UNC119: variants seen among roughly 807,000 people sequenced by gnomAD.
The protein encoded by UNC119 is protein unc-119 homolog A.
Under a neutral mutation model 22.6 loss-of-function variants are expected in UNC119, and 15 were observed. That is an observed-to-expected ratio of 0.66 (90% CI 0.44 to 1.02). The LOEUF is 1.02. Ranked by LOEUF, UNC119 falls within the 50% of genes least tolerant of loss-of-function variation. The probability of loss-of-function intolerance (pLI) is 0.00; values close to 1 mark genes in which losing one functional copy is unlikely to be tolerated. For missense variants in UNC119, 322 were observed against 336.0 expected (o/e 0.96, Z 0.33); for synonymous variants, 138 against 139.4 (o/e 0.99, Z 0.07).
chr17:28,547,006 C>T lies in UNC119; in HGVS notation c.*291G>A, dbSNP rs1309082776. 1 of 410,188 alleles carries T rather than the reference C, an allele frequency of 2.4e-6. No individual in the cohort carries two copies. Among genetic ancestry groups the T allele is most frequent in the Non-Finnish European group, 4.6e-6 (1 of 216,028 alleles). 25.4% of individuals were successfully genotyped at this position (410,188 alleles called of 1,614,324 possible). A position where few individuals can be genotyped will look rare whatever the true frequency, so the allele number is the denominator to read the frequency against. ...GGGGAACACTATTCTGAAACTTGGG[C>T]CCAAGTAGGGCCCAGCTAAGTTGTC... On this transcript the variant is annotated 3_prime_UTR_variant, in exon 5 of 5. Transcript: ENST00000335765.
intron 1 of UNC119, chr17:28,551,288 G>C (rs1024369670): frequency 6.6e-6 from 1 of 152,150 alleles, no homozygotes; most frequent in African/African-American, 2.4e-5. Flanking sequence ...GGCCAAGGTG[G>C]AGAGCCACTG....
Position 28,548,579 on chromosome 17 carries a change from C to A in UNC119, c.334+13G>T. ...ATCTGCCTCCCCATCAATGGCCCAC[C>A]CAGCCCACTCACCTGAGACTGGGGG... On this transcript the variant is annotated intron_variant, in intron 2 of 4. Coordinates refer to ENST00000335765, the MANE Select transcript of UNC119 (RefSeq NM_005148.4). 6.2e-7 allele frequency: 1 copy of A among 1,610,946 alleles called. No individual in the cohort carries two copies. Among genetic ancestry groups the A allele is most frequent in the African/African-American group, 1.3e-5 (1 of 74,982 alleles).
intron 1 of UNC119, 98 bp from the exon 2 acceptor site, chr17:28,548,803 C>G: frequency 1.1e-6 from 1 of 917,836 alleles, no homozygotes; most frequent in Admixed American, 2.0e-5. Flanking sequence ...TCTTCTCATC[C>G]CTGGGATCAC....
intron 4 of UNC119, 38 bp downstream of exon 4, chr17:28,547,639 C>T: frequency 6.2e-7 from 1 of 1,614,146 alleles, no homozygotes; most frequent in Non-Finnish European, 8.5e-7. Context: ...CTCTAGACGC[C>T]CCCACTTCCC....
Position 28,547,747 on chromosome 17 carries a change from G to A in UNC119, c.540C>T (p.Gly180=). The A allele has an allele frequency of 6.2e-7, 1 of 1,614,236 alleles. No individual in the cohort carries two copies. The highest frequency in any genetic ancestry group is 8.5e-7 in the Non-Finnish European group (1 of 1,180,046). ...TGTTCTTGCTGCTGGGGATGCAGAA[G>A]CCAAAGTGGAAGTCGAAGCTTTTGA... ...QLLKSFDFHF[G]FCIPSSKNTC... is the part of the protein sequence containing the mutation. Residue 180 remains glycine (G), a synonymous_variant, in exon 4 of 5, where the codon GGC becomes GGT. Coordinates refer to ENST00000335765, the MANE Select transcript of UNC119 (RefSeq NM_005148.4).
At chr17:28,549,534 G>A (rs1445902940) in intron 1 of UNC119, 1 of 152,326 alleles carries the variant, frequency 6.6e-6, no homozygotes, top group African/African-American at 2.4e-5. Flanking sequence ...TCTCCAAATG[G>A]GAGGAAGTCT....
rs199723120 is a variant in UNC119 at position 28,547,766 on chromosome 17, C to A, written c.521G>T (p.Ser174Ile). Residue 174 changes from serine to isoleucine, a missense_variant, in exon 4 of 5, where the codon AGC becomes ATC. Coordinates refer to ENST00000335765, the MANE Select transcript of UNC119 (RefSeq NM_005148.4). ...RHYFRNQLLK[S>I]FDFHFGFCIP... is the part of the protein sequence containing the mutation. ...GCAGAAGCCAAAGTGGAAGTCGAAG[C>A]TTTTGAGTAGCTGGTTGCGGAAGTA... The A allele has an allele frequency of 1.9e-6, 3 of 1,614,210 alleles. No homozygotes were observed. Among genetic ancestry groups the A allele is most frequent in the Admixed American group, 1.7e-5 (1 of 60,030 alleles).
chr17:28,550,315 A>C (rs1289837565), intron 1 of UNC119: 2 of 152,260 alleles, frequency 1.3e-5, no homozygotes, highest in Non-Finnish European at 2.9e-5. Flanking sequence ...AGATCCCTGT[A>C]AGGCCTTCTC....
At chr17:28,551,358 T>TA (rs2070267512) in intron 1 of UNC119, 1 of 152,274 alleles carries the variant, frequency 6.6e-6, no homozygotes, top group South Asian at 2.1e-4. Flanking sequence ...TGAGGTTTCC[T>TA]AGCCCTCGTT....
At chr17:28,548,157 C>CA in intron 2 of UNC119, 56 bp from the exon 3 acceptor site, 2 of 1,535,290 alleles carry the variant, frequency 1.3e-6, no homozygotes, top group Non-Finnish European at 1.8e-6. Context: ...CTTGTCCACC[C>CA]AGGGTTCTAC....
At chr17:28,548,454 C>A (rs1252518667) in intron 2 of UNC119, 138 bp downstream of exon 2, 4 of 715,592 alleles carry the variant, frequency 5.6e-6, no homozygotes, top group African/African-American at 1.8e-5. Flanking sequence ...GAAAGGGCCC[C>A]CCTGCCTGCA....
Position 28,547,145 on chromosome 17 carries a change from C to T in UNC119, c.*152G>A. On this transcript the variant is annotated 3_prime_UTR_variant, in exon 5 of 5. Coordinates refer to ENST00000335765, the MANE Select transcript of UNC119 (RefSeq NM_005148.4). The stretch of plus-strand genomic sequence containing the variant: ...TGGGCTTCATGGGCTTGACTGGGGA[C>T]ACCAGGTACCCTTCCTCCCAACATT... The T allele has an allele frequency of 1.1e-6, 1 of 940,152 alleles. No individual in the cohort carries two copies. The highest frequency in any genetic ancestry group is 1.6e-6 in the Non-Finnish European group (1 of 609,716). The allele number at this position is 940,152 out of a possible 1,614,324, so 58.2% of individuals were successfully genotyped here. A position where few individuals can be genotyped will look rare whatever the true frequency, so the allele number is the denominator to read the frequency against.
chr17:28,551,826 TC>T, intron 1 of UNC119: 1 of 233,618 alleles, frequency 4.3e-6, no homozygotes, highest in Non-Finnish European at 8.9e-6. Flanking sequence ...TCAGTTTCTT[TC>T]CCGGGGAAGA....
intron 2 of UNC119, 147 bp downstream of exon 2, chr17:28,548,445 A>C: frequency 1.5e-6 from 1 of 686,556 alleles, no homozygotes; most frequent in Non-Finnish European, 2.5e-6. Flanking sequence ...GAAGGAAAAG[A>C]AAGGGCCCCC....
intron 3 of UNC119, 71 bp downstream of exon 3, chr17:28,547,928 C>T (rs905472030): frequency 8.2e-5 from 132 of 1,612,514 alleles, no homozygotes; most frequent in East Asian, 5.6e-4. Context: ...GCCACCCCTA[C>T]GAGAGGCTGA....
rs531568888 is a variant in UNC119, at chr17:28,547,117, G to A, written c.*180C>T. 59 of 729,552 alleles carry A rather than the reference G, an allele frequency of 8.1e-5. No individual in the cohort carries two copies. In the East Asian group the frequency reaches 9.3e-4, roughly 11 times the overall value. The allele number at this position is 729,552 out of a possible 1,614,324, so 45.2% of individuals were successfully genotyped here. A position where few individuals can be genotyped will look rare whatever the true frequency, so the allele number is the denominator to read the frequency against. ...ACGACCCCACCCCATGTAGCAGGCCGCATGGGCTTCATGGGCTTGACTGGG... is the reference window on the plus strand; with the variant it reads ...ACGACCCCACCCCATGTAGCAGGCCACATGGGCTTCATGGGCTTGACTGGG... On this transcript the variant is annotated 3_prime_UTR_variant, in exon 5 of 5. Coordinates refer to ENST00000335765, the MANE Select transcript of UNC119 (RefSeq NM_005148.4).
In UNC119 at chr17:28,552,510, G is replaced by A. The variant is rs750185398; in HGVS notation, c.48C>T (p.Ser16=). The A allele has an allele frequency of 5.8e-6, 9 of 1,560,114 alleles. No homozygotes were observed. The highest frequency in any genetic ancestry group is 4.6e-5 in the South Asian group (4 of 86,286). Residue 16 remains serine, a synonymous_variant, in exon 1 of 5, where the codon TCC becomes TCT. Coordinates refer to ENST00000335765, the MANE Select transcript of UNC119 (RefSeq NM_005148.4). ...GGGGAGTATE[S]APGPSGQSVA... Reference sequence around the variant, plus strand: ...CGCTCTGGCCCGAGGGCCCCGGAGCGGACTCCGTCGCCGTCCCGGCCCCAC... The same window carrying A: ...CGCTCTGGCCCGAGGGCCCCGGAGCAGACTCCGTCGCCGTCCCGGCCCCAC...
chr17:28,549,158 T>C (rs2151508254), intron 1 of UNC119: 1 of 171,216 alleles, frequency 5.8e-6, no homozygotes, highest in Admixed American at 5.7e-5. Context: ...ACTCAGTGTA[T>C]CAACTTCTCT....
chr17:28,547,006 C>A lies in UNC119; in HGVS notation c.*291G>T, dbSNP rs1309082776. ...GGGGAACACTATTCTGAAACTTGGG[C>A]CCAAGTAGGGCCCAGCTAAGTTGTC... On this transcript the variant is annotated 3_prime_UTR_variant, in exon 5 of 5. Transcript: ENST00000335765. 2 of 410,306 alleles carry A rather than the reference C, an allele frequency of 4.9e-6. No homozygotes were observed. The highest frequency in any genetic ancestry group is 7.1e-5 in the Admixed American group (2 of 28,146). 25.4% of individuals were successfully genotyped at this position (410,306 alleles called of 1,614,324 possible).
Sources: gnomAD v4.1 joint callset for allele counts on GRCh38, gnomAD v4.1.1 for gene constraint, MANE v1.5 for transcripts, NCBI Gene and HGNC (gene_info 2026-07-23, HGNC 2026-07-21) for gene names.